The following KSR2 variants were observed in gnomAD, a reference collection of about 807,000 sequenced individuals.
KSR2 encodes kinase suppressor of ras 2.
A neutral mutation model predicts 107.8 loss-of-function variants in KSR2; 25 were observed. That is an observed-to-expected ratio of 0.23 (90% confidence interval 0.17 to 0.32). The LOEUF (loss-of-function observed/expected upper bound fraction) is 0.32, where lower values mean the gene tolerates loss of function less well. Ranked by LOEUF, KSR2 falls within the 10% of genes least tolerant of loss-of-function variation. The pLI is 1.00. For synonymous variants in KSR2, 480 were observed against 507.0 expected (o/e 0.95, Z 0.71); for missense variants, 887 against 1,268.9 (o/e 0.70, Z 4.57).
chr12:117,792,808 A>G (rs896070764), intron 3 of KSR2, among the ~76,000 whole-genome samples: 6 of 152,184 alleles, frequency 3.9e-5, no homozygotes, highest in Admixed American at 6.5e-5. Context: ...CCTAAAAATA[A>G]CTGAGAACTG....
At chr12:117,526,767 C>A (rs979434135) in intron 13 of KSR2, among the ~76,000 whole-genome samples, 10 of 152,170 alleles carry the variant, frequency 6.6e-5, no homozygotes, top group African/African-American at 2.4e-4. Flanking sequence ...TTGAAGGCAG[C>A]GGGGCACATC....
intron 4 of KSR2, among the ~76,000 whole-genome samples, chr12:117,696,548 G>A (rs777258915): frequency 6.6e-6 from 1 of 151,722 alleles, no homozygotes; most frequent in Non-Finnish European, 1.5e-5. Context: ...ACAAAGTAGG[G>A]GGGCTTGGGA....
At position 117,860,277 on chromosome 12, in the gene KSR2, G is replaced by T. The variant is rs772896146; in HGVS notation, c.321+14C>A. On this transcript the variant is annotated intron_variant, in intron 2 of 19. Transcript: ENST00000339824. ...CCAGTAAGGGGCAGGGGACACAGGG[G>T]CCCCCCAGGTCACCTCCAGGACCTC... 15 of 1,603,648 alleles carry T rather than the reference G, an allele frequency of 9.4e-6. No individual in the cohort carries two copies. The highest frequency in any genetic ancestry group is 1.1e-5 in the Non-Finnish European group (13 of 1,172,148).
In KSR2 at chr12:117,453,738, T is replaced by C. The variant is rs796896989; in HGVS notation, c.*13461A>G. The C allele has an allele frequency of 6.6e-6, 1 of 152,250 alleles. No homozygotes were observed. Among genetic ancestry groups the C allele is most frequent in the Non-Finnish European group, 1.5e-5 (1 of 68,006 alleles). 9.4% of individuals were successfully genotyped at this position (152,250 alleles called of 1,614,324 possible). On this transcript the variant is annotated 3_prime_UTR_variant, in exon 20 of 20. Coordinates refer to ENST00000339824, the MANE Select transcript of KSR2 (RefSeq NM_173598.6). ...TCAAAGAGAGCGAGAAATGAGAGGC[T>C]TGGGGTGGAAACGTTGACCACCTAA... is the stretch of plus-strand genomic sequence containing the variant.
chr12:117,593,344 C>A (rs544187429), intron 5 of KSR2, among the ~76,000 whole-genome samples: 292 of 152,320 alleles, frequency 1.9e-3, no homozygotes, highest in African/African-American at 6.6e-3. Flanking sequence ...AATGGCCTCA[C>A]GTTGAAATAA....
At chr12:117,656,980 G>GGAGATATATATATAATAT (rs1161179662) in intron 5 of KSR2, among the ~76,000 whole-genome samples, 1 of 50,542 alleles carries the variant, frequency 2.0e-5, no homozygotes, top group East Asian at 4.4e-4. Flanking sequence ...ATATATAATA[G>GGAGATATATATATAATAT]GATATATATA....
At chr12:117,810,885 G>C (rs756077673) in intron 3 of KSR2, among the ~76,000 whole-genome samples, 3 of 152,084 alleles carry the variant, frequency 2.0e-5, no homozygotes, top group Non-Finnish European at 4.4e-5. Context: ...TAAAAACAAA[G>C]CTAAAAATAA....
intron 4 of KSR2, among the ~76,000 whole-genome samples, chr12:117,730,699 G>A (rs1465926941): frequency 7.2e-5 from 11 of 152,220 alleles, no homozygotes; most frequent in Non-Finnish European, 1.5e-4. Context: ...TGGTGGAGAC[G>A]GGGTTTCGCT....
At chr12:117,862,018 T>C (rs961079917) in intron 1 of KSR2, among the ~76,000 whole-genome samples, 5 of 152,218 alleles carry the variant, frequency 3.3e-5, no homozygotes, top group Non-Finnish European at 5.9e-5. Context: ...TATACATTTT[T>C]TTGTATGCAT....
chr12:117,724,672 C>T, intron 4 of KSR2, among the ~76,000 whole-genome samples: 1 of 151,780 alleles, frequency 6.6e-6, no homozygotes, highest in Non-Finnish European at 1.5e-5. Flanking sequence ...CCAGACATAA[C>T]CAGCAGCATC....
chr12:117,511,811 A>G (rs548724176), intron 14 of KSR2, among the ~76,000 whole-genome samples: 1 of 152,312 alleles, frequency 6.6e-6, no homozygotes, highest in Admixed American at 6.5e-5. Flanking sequence ...CAGTTTGGAA[A>G]ACAATACTGC....
intron 3 of KSR2, among the ~76,000 whole-genome samples, chr12:117,821,270 C>G (rs954293545): frequency 2.0e-5 from 3 of 152,140 alleles, no homozygotes; most frequent in Non-Finnish European, 4.4e-5. Flanking sequence ...CAGGTTTTAA[C>G]TGCATGGGTC....
intron 10 of KSR2, among the ~76,000 whole-genome samples, chr12:117,531,924 A>C (rs1875665233): frequency 6.6e-6 from 1 of 152,088 alleles, no homozygotes; most frequent in South Asian, 2.1e-4. Context: ...GACATCTCAC[A>C]CTCCCTAAAA....
At chr12:117,580,392 C>G (rs1277389848) in intron 6 of KSR2, among the ~76,000 whole-genome samples, 1 of 152,120 alleles carries the variant, frequency 6.6e-6, no homozygotes, top group Non-Finnish European at 1.5e-5. Flanking sequence ...TGGGGAATGG[C>G]GGCGAAGGAG....
intron 1 of KSR2, among the ~76,000 whole-genome samples, chr12:117,887,223 C>A (rs4767635): frequency 2.6e-5 from 4 of 151,868 alleles, no homozygotes; most frequent in African/African-American, 9.7e-5. Flanking sequence ...CATGCCCAGC[C>A]GGATTTTTTT....
intron 3 of KSR2, among the ~76,000 whole-genome samples, chr12:117,849,597 G>T (rs1249804832): frequency 6.6e-6 from 1 of 152,192 alleles, no homozygotes; most frequent in Non-Finnish European, 1.5e-5. Flanking sequence ...TATCTTCGGG[G>T]CTCCTTGGGC....
intron 9 of KSR2, among the ~76,000 whole-genome samples, chr12:117,550,087 T>C (rs1292788708): frequency 1.3e-5 from 2 of 152,198 alleles, no homozygotes; most frequent in Admixed American, 1.3e-4. Flanking sequence ...ATAATTCCTC[T>C]TTCTGAACAT....
intron 4 of KSR2, chr12:117,674,423 C>T (rs539420062): frequency 1.3e-5 from 6 of 455,846 alleles, no homozygotes; most frequent in Admixed American, 4.7e-5. Context: ...GCATTAAGTT[C>T]ATTCATATTG....
chr12:117,489,548 C>T (rs1260526993), intron 14 of KSR2, among the ~76,000 whole-genome samples: 3 of 87,244 alleles, frequency 3.4e-5, no homozygotes, highest in Non-Finnish European at 4.9e-5. Context: ...GACCCTGTCT[C>T]AAAAAAAAAA....
Sources: gnomAD v4.1 joint callset for allele counts (sites outside exome capture counted in the v4.1 genomes callset) on GRCh38, gnomAD v4.1.1 for gene constraint, MANE v1.5 for transcripts, NCBI Gene and HGNC (gene_info 2026-07-23, HGNC 2026-07-21) for gene names.